DROSHA: variants seen among roughly 807,000 people sequenced by gnomAD.
DROSHA encodes the protein ribonuclease 3.
DROSHA carries 56 observed loss-of-function variants against 181.9 expected under a neutral mutation model. That is an observed-to-expected ratio of 0.31 (90% CI 0.25 to 0.38). The LOEUF (loss-of-function observed/expected upper bound fraction) is 0.38. DROSHA is among the 10% of genes least tolerant of loss of function. The probability of loss-of-function intolerance (pLI) is 1.00; values close to 1 mark genes in which losing one functional copy is unlikely to be tolerated. For synonymous variants in DROSHA, 524 were observed against 591.2 expected (o/e 0.89, Z 1.65); for missense variants, 1,218 against 1,743.5 (o/e 0.70, Z 5.37).
intron 11 of DROSHA, among the ~76,000 whole-genome samples, chr5:31,496,551 G>A (rs1753001917): frequency 2.0e-5 from 3 of 152,222 alleles, no homozygotes; most frequent in Non-Finnish European, 4.4e-5. Flanking sequence ...ATGCTTAAAT[G>A]TTCCTTCCTG....
Position 31,411,381 on chromosome 5 carries a change from A to T in DROSHA, c.3526-494T>A, listed in dbSNP as rs1302278995. Among the ~76,000 whole-genome samples, 1 of 152,084 alleles carries T rather than the reference A, an allele frequency of 6.6e-6. No homozygotes were observed. The highest frequency in any genetic ancestry group is 1.5e-5 in the Non-Finnish European group (1 of 68,014). ...AATTCCCAGCATCTCCATGCAGTGAATCCTTCCCAACCCCTGACCAGGCAA... is the reference window on the plus strand; with the variant it reads ...AATTCCCAGCATCTCCATGCAGTGATTCCTTCCCAACCCCTGACCAGGCAA... On this transcript the variant is annotated intron_variant, in intron 30 of 35. Coordinates refer to ENST00000344624, the MANE Select transcript of DROSHA (RefSeq NM_001382508.1). The surrounding 1 kb of genome is among the most constrained non-coding windows in gnomAD (Gnocchi z 4.2).
At chr5:31,483,358 T>C (rs1751264060) in intron 16 of DROSHA, among the ~76,000 whole-genome samples, 196 bp downstream of exon 16, 1 of 152,244 alleles carries the variant, frequency 6.6e-6, no homozygotes, top group Non-Finnish European at 1.5e-5. Flanking sequence ...CCATTGTTCA[T>C]CTAATTTGGA....
intron 23 of DROSHA, among the ~76,000 whole-genome samples, chr5:31,439,757 T>C (rs1326195645): frequency 6.6e-6 from 1 of 152,150 alleles, no homozygotes; most frequent in African/African-American, 2.4e-5. Flanking sequence ...GAAAAGAACC[T>C]TAATGTCTAT....
chr5:31,482,564 A>G (rs2150035692), intron 16 of DROSHA, among the ~76,000 whole-genome samples: 1 of 152,332 alleles, frequency 6.6e-6, no homozygotes, highest in Middle Eastern at 3.4e-3. Flanking sequence ...TAAGCGGCTG[A>G]GTGGTGACAA....
chr5:31,462,593 A>G (rs686541), intron 20 of DROSHA, among the ~76,000 whole-genome samples: 13,051 of 151,684 alleles, frequency 0.086, 992 homozygotes, highest in East Asian at 0.21. Flanking sequence ...TGAAGAATAC[A>G]AAACTGTACT....
chr5:31,435,548 C>T (rs1465596149), intron 25 of DROSHA, among the ~76,000 whole-genome samples: 1 of 152,160 alleles, frequency 6.6e-6, no homozygotes, highest in Non-Finnish European at 1.5e-5. Flanking sequence ...CTCAAGTTAC[C>T]TCACTGTGGA....
At chr5:31,461,249 T>C (rs1018567705) in intron 20 of DROSHA, among the ~76,000 whole-genome samples, 1 of 152,162 alleles carries the variant, frequency 6.6e-6, no homozygotes, top group Non-Finnish European at 1.5e-5. Context: ...GTTAAAAAAA[T>C]TCAAACAAAA....
rs1739097433 is a variant in DROSHA, at chr5:31,514,801, C to T, written c.1290+187G>A. On this transcript the variant is annotated intron_variant, in intron 8 of 35. Coordinates refer to ENST00000344624, the MANE Select transcript of DROSHA (RefSeq NM_001382508.1). The surrounding 1 kb of genome is among the most constrained non-coding windows in gnomAD (Gnocchi z 4.4). ...GGGGACATTTGGCAATATTTGAAGA[C>T]ATTTTCGGTAACCACAACTGGGGAG... Among the ~76,000 whole-genome samples, 1 of 152,154 alleles carries T rather than the reference C, an allele frequency of 6.6e-6. No individual in the cohort carries two copies. Among genetic ancestry groups the T allele is most frequent in the Non-Finnish European group, 1.5e-5 (1 of 68,032 alleles).
intron 24 of DROSHA, among the ~76,000 whole-genome samples, chr5:31,436,773 CACACACA>C (rs1333184809): frequency 6.6e-6 from 1 of 150,402 alleles, no homozygotes; most frequent in East Asian, 1.9e-4. Context: ...CACACACACA[CACACACA>C]CACACACACA....
chr5:31,501,644 C>T (rs1030502386), intron 11 of DROSHA, among the ~76,000 whole-genome samples: 1 of 151,008 alleles, frequency 6.6e-6, no homozygotes, highest in African/African-American at 2.4e-5. Context: ...ACAAACTTAA[C>T]CAAGCAGGAA....
At chr5:31,426,974 GA>G (rs1284582314) in intron 27 of DROSHA, among the ~76,000 whole-genome samples, 2 of 152,274 alleles carry the variant, frequency 1.3e-5, no homozygotes, top group African/African-American at 4.8e-5. Flanking sequence ...GATCAGATAA[GA>G]GGAGAAGAAA....
At chr5:31,459,902 TC>T (rs1162527368) in intron 20 of DROSHA, among the ~76,000 whole-genome samples, 1 of 152,176 alleles carries the variant, frequency 6.6e-6, no homozygotes, top group Admixed American at 6.5e-5. Context: ...CCTTTTTTTT[TC>T]CTTAAGAAGT....
chr5:31,413,981 G>C (rs760807224), intron 30 of DROSHA, among the ~76,000 whole-genome samples: 2 of 152,222 alleles, frequency 1.3e-5, no homozygotes, highest in Non-Finnish European at 2.9e-5. Context: ...GACTGAGTCA[G>C]CCAGTGAGAG....
At chr5:31,434,798 G>T (rs1159090440) in intron 25 of DROSHA, among the ~76,000 whole-genome samples, 1 of 152,140 alleles carries the variant, frequency 6.6e-6, no homozygotes, top group Non-Finnish European at 1.5e-5. Context: ...AGTGCTTGGG[G>T]ATTTAAGAGC....
At chr5:31,459,912 G>A (rs1748201992) in intron 20 of DROSHA, among the ~76,000 whole-genome samples, 1 of 152,052 alleles carries the variant, frequency 6.6e-6, no homozygotes, top group Non-Finnish European at 1.5e-5. Flanking sequence ...TCCTTAAGAA[G>A]TTACAATGTC....
chr5:31,418,127 C>T (rs968443267), intron 30 of DROSHA, among the ~76,000 whole-genome samples: 4 of 152,166 alleles, frequency 2.6e-5, no homozygotes, highest in Admixed American at 1.3e-4. Flanking sequence ...TGCATGAACA[C>T]AACCTTCAGA....
intron 20 of DROSHA, among the ~76,000 whole-genome samples, chr5:31,456,779 A>G (rs1747718789): frequency 6.6e-6 from 1 of 152,128 alleles, no homozygotes. Flanking sequence ...TTTGTTTTTT[A>G]GAGACAGGGT....
At chr5:31,521,305 AC>A in intron 5 of DROSHA, 90 bp from the exon 6 acceptor site, 1 of 1,414,588 alleles carries the variant, frequency 7.1e-7, no homozygotes, top group Non-Finnish European at 9.9e-7. Flanking sequence ...AAATAAATGG[AC>A]CACATCTAGG....
At chr5:31,504,096 T>C (rs78996052) in intron 11 of DROSHA, among the ~76,000 whole-genome samples, 6,357 of 152,228 alleles carry the variant, frequency 0.042, 446 homozygotes, top group African/African-American at 0.15. Context: ...TTAAACTTAT[T>C]AGAGGGTCCC....
Sources: allele counts gnomAD v4.1 joint callset (sites outside exome capture counted in the v4.1 genomes callset), GRCh38; gene constraint gnomAD v4.1.1; non-coding constraint Gnocchi (gnomAD v3.1); transcripts MANE v1.5; gene names NCBI Gene and HGNC (gene_info 2026-07-23, HGNC 2026-07-21).